GALNT13: variants seen among roughly 807,000 people sequenced by gnomAD.
GALNT13 encodes the protein polypeptide N-acetylgalactosaminyltransferase 13.
GALNT13 carries 28 observed loss-of-function variants against 64.2 expected under a neutral mutation model. The ratio of observed to expected loss-of-function variants is 0.44; its 90% CI spans 0.32 to 0.60. GALNT13 has a LOEUF of 0.60. Among genes scored for constraint, GALNT13 ranks in the 20% least tolerant of loss-of-function variants. GALNT13 has a pLI of 0.05. For missense variants in GALNT13, 577 were observed against 669.8 expected, an observed-to-expected ratio of 0.86 and a Z score of 1.53; for synonymous variants, 214 against 224.6, an observed-to-expected ratio of 0.95 and a Z score of 0.42.
At chr2:153,746,044 C>A in the GALNT13 span, among the ~76,000 whole-genome samples, 1 of 152,112 alleles carries the variant, frequency 6.6e-6, no homozygotes, top group Non-Finnish European at 1.5e-5. Context: ...GTATATACCA[C>A]CCTTACAATA....
the GALNT13 span, among the ~76,000 whole-genome samples, chr2:153,706,798 C>T: frequency 6.6e-6 from 1 of 152,160 alleles, no homozygotes; most frequent in Non-Finnish European, 1.5e-5. Flanking sequence ...GAATCAAGTC[C>T]TCTGCCACTT....
At chr2:153,107,766 T>C in the GALNT13 span, among the ~76,000 whole-genome samples, 2 of 152,110 alleles carry the variant, frequency 1.3e-5, no homozygotes, top group Non-Finnish European at 2.9e-5. Flanking sequence ...CACTTGAGAA[T>C]GCGTGTGGGT....
At chr2:153,770,177 C>A in the GALNT13 span, among the ~76,000 whole-genome samples, 3 of 147,080 alleles carry the variant, frequency 2.0e-5, no homozygotes, top group South Asian at 2.3e-4. Flanking sequence ...CCCGCCCCCC[C>A]ACACCCCGGC....
the GALNT13 span, among the ~76,000 whole-genome samples, chr2:153,249,032 C>T: frequency 6.6e-6 from 1 of 152,024 alleles, no homozygotes; most frequent in Non-Finnish European, 1.5e-5. Flanking sequence ...CTAGCCAGGG[C>T]AATCAGACAA....
intron 3 of GALNT13, among the ~76,000 whole-genome samples, chr2:153,999,715 T>A (rs1695772702): frequency 6.6e-6 from 1 of 152,102 alleles, no homozygotes; most frequent in Non-Finnish European, 1.5e-5. Context: ...GATTCTGGTT[T>A]GCCAGTATTT....
At chr2:154,333,437 CTT>C (rs1695275482) in intron 9 of GALNT13, among the ~76,000 whole-genome samples, 1 of 151,914 alleles carries the variant, frequency 6.6e-6, no homozygotes, top group Non-Finnish European at 1.5e-5. Context: ...ATGTATAACT[CTT>C]TTATCTAGAA....
At chr2:153,334,535 A>G in the GALNT13 span, among the ~76,000 whole-genome samples, 5 of 152,176 alleles carry the variant, frequency 3.3e-5, no homozygotes, top group African/African-American at 9.7e-5. Flanking sequence ...CTGTATAAAC[A>G]AAATGATAAA....
the GALNT13 span, among the ~76,000 whole-genome samples, chr2:153,832,084 C>G: frequency 6.6e-6 from 1 of 152,026 alleles, no homozygotes; most frequent in East Asian, 1.9e-4. Context: ...AGCATAATCA[C>G]TGGAGATGTT....
chr2:153,939,053 A>G (rs549382537), intron 2 of GALNT13, among the ~76,000 whole-genome samples: 2 of 152,332 alleles, frequency 1.3e-5, no homozygotes, highest in African/African-American at 2.4e-5. Context: ...GACAAATAAG[A>G]AACAAAAAAA....
At chr2:153,682,215 A>AT in the GALNT13 span, among the ~76,000 whole-genome samples, 1 of 151,632 alleles carries the variant, frequency 6.6e-6, no homozygotes, top group Non-Finnish European at 1.5e-5. Flanking sequence ...TATTTATGGC[A>AT]TTTTTCTATC....
chr2:154,016,697 T>G (rs948489732), intron 3 of GALNT13, among the ~76,000 whole-genome samples: 6 of 152,306 alleles, frequency 3.9e-5, no homozygotes, highest in African/African-American at 1.4e-4. Flanking sequence ...ATTACAGGCA[T>G]GAGCCACTGC....
chr2:154,304,081 AG>A (rs1693601233), intron 9 of GALNT13, among the ~76,000 whole-genome samples: 1 of 152,146 alleles, frequency 6.6e-6, no homozygotes, highest in Non-Finnish European at 1.5e-5. Flanking sequence ...AGTACCTAGA[AG>A]AGAAGGAGCA....
At chr2:153,723,031 G>A in the GALNT13 span, among the ~76,000 whole-genome samples, 2 of 152,018 alleles carry the variant, frequency 1.3e-5, no homozygotes, top group Non-Finnish European at 2.9e-5. Context: ...TATCCTTGAT[G>A]AACATTGATG....
At chr2:153,309,528 C>CT in the GALNT13 span, among the ~76,000 whole-genome samples, 27 of 149,476 alleles carry the variant, frequency 1.8e-4, no homozygotes, top group East Asian at 9.9e-4. Flanking sequence ...TCTTGAAGCA[C>CT]TTTTTTTTTT....
chr2:153,879,041 T>C (rs1436728253), intron 1 of GALNT13, among the ~76,000 whole-genome samples: 1 of 152,204 alleles, frequency 6.6e-6, no homozygotes, highest in Non-Finnish European at 1.5e-5. Flanking sequence ...ATCCACAGAA[T>C]CTACCTTTAT....
At chr2:154,073,955 A>G (rs1574454814) in intron 3 of GALNT13, among the ~76,000 whole-genome samples, 1 of 151,976 alleles carries the variant, frequency 6.6e-6, no homozygotes, top group Non-Finnish European at 1.5e-5. Flanking sequence ...ATTTTTTTAA[A>G]TGAACAAAAT....
At chr2:154,046,046 G>A (rs1268794803) in intron 3 of GALNT13, among the ~76,000 whole-genome samples, 1 of 151,968 alleles carries the variant, frequency 6.6e-6, no homozygotes, top group African/African-American at 2.4e-5. Context: ...CGTGGCTCAT[G>A]CCTGTAATTC....
At chr2:154,221,864 G>A (rs943366231) in intron 4 of GALNT13, among the ~76,000 whole-genome samples, 3 of 152,134 alleles carry the variant, frequency 2.0e-5, no homozygotes, top group East Asian at 3.9e-4. Flanking sequence ...TGTTTGAAAT[G>A]GGGCACAGAG....
intron 8 of GALNT13, among the ~76,000 whole-genome samples, chr2:154,265,150 G>A (rs941845128): frequency 6.6e-6 from 1 of 151,658 alleles, no homozygotes; most frequent in Non-Finnish European, 1.5e-5. Flanking sequence ...TAAAAGGATT[G>A]GAATGGAACA....
Sources: allele counts gnomAD v4.1 joint callset (sites outside exome capture counted in the v4.1 genomes callset), GRCh38; gene constraint gnomAD v4.1.1; transcripts MANE v1.5; gene names NCBI Gene and HGNC (gene_info 2026-07-23, HGNC 2026-07-21).